LRRTM4: variants seen among roughly 807,000 people sequenced by gnomAD.
The protein encoded by LRRTM4 is leucine rich repeat transmembrane neuronal 4.
LRRTM4 carries 25 observed loss-of-function variants against 47.6 expected under a neutral mutation model. The observed-to-expected ratio is 0.53, with a 90% CI of 0.38 to 0.73. LRRTM4 has a LOEUF of 0.73. Among genes scored for constraint, LRRTM4 ranks in the 30% least tolerant of loss-of-function variants. The probability of loss-of-function intolerance (pLI) is 0.00; values close to 1 mark genes in which losing one functional copy is unlikely to be tolerated. For missense variants in LRRTM4, 638 were observed against 713.4 expected (o/e 0.89, Z 1.20); for synonymous variants, 311 against 269.5 (o/e 1.15, Z -1.51).
At chr2:76,969,627 C>T (rs1395994003) in intron 3 of LRRTM4, among the ~76,000 whole-genome samples, 2 of 151,080 alleles carry the variant, frequency 1.3e-5, no homozygotes, top group Non-Finnish European at 3.0e-5. Flanking sequence ...TTTCTAACAA[C>T]AAAAAAAATG....
At chr2:77,230,063 T>G (rs1674922676) in intron 3 of LRRTM4, among the ~76,000 whole-genome samples, 1 of 152,150 alleles carries the variant, frequency 6.6e-6, no homozygotes, top group Admixed American at 6.6e-5. Context: ...AATTTTTCAG[T>G]GCCTAGCCAC....
intron 3 of LRRTM4, among the ~76,000 whole-genome samples, chr2:77,027,493 G>T (rs1208586423): frequency 6.6e-6 from 1 of 152,122 alleles, no homozygotes. Flanking sequence ...GCAATAGAAT[G>T]AGTGAGTAGC....
intron 3 of LRRTM4, among the ~76,000 whole-genome samples, chr2:77,343,233 G>T (rs1396056178): frequency 6.6e-6 from 1 of 151,848 alleles, no homozygotes; most frequent in Non-Finnish European, 1.5e-5. Flanking sequence ...CGTAGAAAAT[G>T]GAAAGCTCTC....
intron 3 of LRRTM4, among the ~76,000 whole-genome samples, chr2:77,161,908 G>T (rs980387538): frequency 6.6e-6 from 1 of 152,104 alleles, no homozygotes; most frequent in Admixed American, 6.5e-5. Flanking sequence ...CTTCATGGAG[G>T]CTCCAAGATG....
In LRRTM4 at chr2:77,354,074, T is replaced by C. The variant is rs534488497; in HGVS notation, c.1551+164244A>G. 3.3e-5 allele frequency among the ~76,000 whole-genome samples: 5 copies of C among 152,304 alleles called. 1 individual carries two copies. The South Asian group carries it at 1.0e-3, about 32-fold the overall frequency. On this transcript the variant is annotated intron_variant, in intron 3 of 3. Transcript: ENST00000409884. ...AAGGGGTAGGTTATTCTACAATTTC[T>C]GGAAAAGGAGTGTCAGCTTCTGGGT...
In LRRTM4 at chr2:77,203,147, CCTAA is replaced by C. The variant is rs563700612; in HGVS notation, c.1551+315167_1551+315170del. 1.2e-3 allele frequency among the ~76,000 whole-genome samples: 177 copies of C among 151,366 alleles called. 2 individuals carry two copies. The highest frequency in any genetic ancestry group is 3.3e-3 in the African/African-American group (136 of 41,244). The stretch of plus-strand genomic sequence containing the variant: ...TATGTGTGTGTATATATATGCAGTC[CCTAA>C]CTGAGTTCCTTAGCAGTGAGAACTT... On this transcript the variant is annotated intron_variant, in intron 3 of 3. Transcript: ENST00000409884.
At chr2:76,978,182 C>A (rs1324879979) in intron 3 of LRRTM4, among the ~76,000 whole-genome samples, 1 of 151,964 alleles carries the variant, frequency 6.6e-6, no homozygotes, top group Admixed American at 6.6e-5. Flanking sequence ...GGCCTACAAA[C>A]AGATTGCCTC....
chr2:77,089,439 C>T (rs191604979), intron 3 of LRRTM4, among the ~76,000 whole-genome samples: 24 of 151,618 alleles, frequency 1.6e-4, no homozygotes. Context: ...GCCCCAACCT[C>T]GTATCTCTGT....
intron 3 of LRRTM4, among the ~76,000 whole-genome samples, chr2:77,445,172 T>A (rs1020827856): frequency 6.6e-6 from 1 of 152,038 alleles, no homozygotes; most frequent in African/African-American, 2.4e-5. Flanking sequence ...GTTGTCTTGG[T>A]TGCTTGCCAT....
intron 3 of LRRTM4, among the ~76,000 whole-genome samples, chr2:77,232,372 A>G (rs1674988472): frequency 1.3e-5 from 2 of 152,304 alleles, no homozygotes; most frequent in South Asian, 2.1e-4. Flanking sequence ...ATTCTACTTA[A>G]CATGTATCTT....
In LRRTM4 at chr2:76,958,405, C is replaced by T. The variant is rs193110961; in HGVS notation, c.1552-209489G>A. 1.6e-3 allele frequency among the ~76,000 whole-genome samples: 241 copies of T among 151,902 alleles called. 1 individual carries two copies. The highest frequency in any genetic ancestry group is 5.5e-3 in the African/African-American group (227 of 41,512). On this transcript the variant is annotated intron_variant, in intron 3 of 3. Transcript: ENST00000409884. Reference sequence around the variant, plus strand: ...GCCCCATAATCACCTGAAAGAGCTGCGCTTGTAACGCACCCACCCCTACGC... The same window carrying T: ...GCCCCATAATCACCTGAAAGAGCTGTGCTTGTAACGCACCCACCCCTACGC...
At chr2:77,272,154 T>C (rs549122690) in intron 3 of LRRTM4, among the ~76,000 whole-genome samples, 1 of 152,282 alleles carries the variant, frequency 6.6e-6, no homozygotes, top group African/African-American at 2.4e-5. Context: ...TCTTATTTTC[T>C]CCATGCGTCT....
intron 3 of LRRTM4, among the ~76,000 whole-genome samples, chr2:77,175,309 C>A (rs1673163923): frequency 6.6e-6 from 1 of 152,126 alleles, no homozygotes; most frequent in South Asian, 2.1e-4. Flanking sequence ...GGAACATTTC[C>A]AGGATCCAAG....
chr2:76,989,622 G>A lies in LRRTM4; in HGVS notation c.1552-240706C>T, dbSNP rs544269450. ...ATGAATAGTTAGCCTGTCCAAGGTT[G>A]CTTAATCTCCCTAATCTCAGTATCC... is the stretch of plus-strand genomic sequence containing the variant. On this transcript the variant is annotated intron_variant, in intron 3 of 3. Coordinates refer to ENST00000409884, the MANE Select transcript of LRRTM4 (RefSeq NM_001134745.3). Among the ~76,000 whole-genome samples, 7 of 151,876 alleles carry A rather than the reference G, an allele frequency of 4.6e-5. No homozygotes were observed. In the South Asian group the frequency reaches 1.2e-3, roughly 27 times the overall value.
intron 3 of LRRTM4, among the ~76,000 whole-genome samples, chr2:77,333,081 A>G (rs182115425): frequency 1.4e-3 from 217 of 152,320 alleles, no homozygotes; most frequent in Admixed American, 2.8e-3. Context: ...TGTCATTTAC[A>G]TAAGATGTGA....
intron 3 of LRRTM4, among the ~76,000 whole-genome samples, chr2:77,081,483 A>C (rs1680531507): frequency 6.6e-6 from 1 of 152,142 alleles, no homozygotes; most frequent in Admixed American, 6.5e-5. Flanking sequence ...ATATATATTT[A>C]AATAAATGTG....
At chr2:76,953,162 ATAAAG>A (rs1296662627) in intron 3 of LRRTM4, among the ~76,000 whole-genome samples, 3 of 100,650 alleles carry the variant, frequency 3.0e-5, no homozygotes, top group Non-Finnish European at 5.4e-5. Context: ...TTGAAAAAAA[ATAAAG>A]TAAAAAAAAA....
chr2:76,802,568 T>C (rs1270912296), intron 3 of LRRTM4, among the ~76,000 whole-genome samples: 1 of 152,084 alleles, frequency 6.6e-6, no homozygotes, highest in Non-Finnish European at 1.5e-5. Context: ...GTAATCCCTA[T>C]CAACATTCCA....
At chr2:77,023,893 G>A (rs1381699833) in intron 3 of LRRTM4, among the ~76,000 whole-genome samples, 1 of 152,064 alleles carries the variant, frequency 6.6e-6, no homozygotes, top group African/African-American at 2.4e-5. Flanking sequence ...CACTCTAGTG[G>A]TACCAATTTA....
Sources: allele counts gnomAD v4.1 joint callset (sites outside exome capture counted in the v4.1 genomes callset), GRCh38; gene constraint gnomAD v4.1.1; transcripts MANE v1.5; gene names NCBI Gene and HGNC (gene_info 2026-07-23, HGNC 2026-07-21).